Variants in ASB12 observed in about 807,000 individuals in gnomAD.
The protein encoded by ASB12 is ankyrin repeat and SOCS box protein 12.
Under a neutral mutation model 13.7 loss-of-function variants are expected in ASB12, and 17 were observed. The ratio of observed to expected loss-of-function variants is 1.24; its 90% confidence interval spans 0.85 to 1.86. The LOEUF (loss-of-function observed/expected upper bound fraction) is 1.86. Ranked by LOEUF, ASB12 falls within the 40% of genes most tolerant of loss-of-function variation. The probability of loss-of-function intolerance (pLI) is 0.00; values close to 1 mark genes in which losing one functional copy is unlikely to be tolerated. For synonymous variants in ASB12, 107 were observed against 99.8 expected (o/e 1.07, Z -0.43); for missense variants, 329 against 250.5 (o/e 1.31, Z -2.11).
chrX:64,229,844 A>G (rs1485841072), intron 1 of ASB12, among the ~76,000 whole-genome samples: 1 of 111,870 alleles, frequency 8.9e-6, no homozygotes, highest in African/African-American at 3.3e-5. Context: ...CTGCCATTTG[A>G]TACCTGCATT....
At chrX:64,228,159 T>A (rs1484982386) in intron 1 of ASB12, among the ~76,000 whole-genome samples, 1 of 112,145 alleles carries the variant, frequency 8.9e-6, no homozygotes, top group African/African-American at 3.2e-5. Context: ...AGCTCAGAGG[T>A]CCTTCATGAA....
chrX:64,225,109 C>A lies in ASB12; in HGVS notation c.542G>T (p.Cys181Phe), dbSNP rs1312270650. The A allele has an allele frequency of 8.3e-7, 1 of 1,211,580 alleles. No individual in the cohort carries two copies. Among genetic ancestry groups the A allele is most frequent in the Non-Finnish European group, 1.1e-6 (1 of 895,472 alleles). ...LPVWASNIAS[C>F]SGPLYLAAVY... ...TGCGGCCAAATAGAGGGGGCCAGAACATGAAGCTATGTTTGATGCCCAGAC... is the reference window on the plus strand; with the variant it reads ...TGCGGCCAAATAGAGGGGGCCAGAAAATGAAGCTATGTTTGATGCCCAGAC... The change falls in exon 2 of 3, where the codon TGT becomes TTT. Residue 181 changes from cysteine to phenylalanine, a missense_variant. By Grantham distance (205) the Cys-to-Phe change is radical. Transcript: ENST00000362002.
At chrX:64,228,655 C>G (rs1930994487) in intron 1 of ASB12, among the ~76,000 whole-genome samples, 1 of 112,018 alleles carries the variant, frequency 8.9e-6, no homozygotes, top group South Asian at 3.7e-4. Flanking sequence ...ATGATTGTTA[C>G]TTATGTCTCC....
chrX:64,228,875 A>G (rs1931000653), intron 1 of ASB12, among the ~76,000 whole-genome samples: 1 of 111,940 alleles, frequency 8.9e-6, no homozygotes, highest in African/African-American at 3.3e-5. Context: ...TGTGCTTTTC[A>G]AAGCAATTTC....
intron 1 of ASB12, among the ~76,000 whole-genome samples, chrX:64,229,466 T>C (rs1931013464): frequency 8.9e-6 from 1 of 112,173 alleles, no homozygotes; most frequent in Non-Finnish European, 1.9e-5. Flanking sequence ...AAAGAGTTAC[T>C]ATGTGCCTGT....
chrX:64,225,047 GC>G lies in ASB12; in HGVS notation c.603del (p.Leu201PhefsTer43). 2 of 1,211,626 alleles carry G rather than the reference GC, an allele frequency of 1.7e-6. No individual in the cohort carries two copies. The highest frequency in any genetic ancestry group is 2.2e-6 in the Non-Finnish European group (2 of 895,444). The stretch of plus-strand genomic sequence containing the variant: ...TTGTAGTCAGGGTCTGCCCCGTGGA[GC>G]AAAAGCAGGCGGAAACAGTCCAGGT... ...YGHLDCFRLLLLHGADPDYNC... is the reference protein window; with the variant it reads ...YGHLDCFRLLXLHGADPDYNC... On this transcript the variant is annotated frameshift_variant, in exon 2 of 3. Transcript: ENST00000362002. LOFTEE classifies it high-confidence loss of function.
chrX:64,228,664 C>A (rs1930994809), intron 1 of ASB12, among the ~76,000 whole-genome samples: 1 of 111,901 alleles, frequency 8.9e-6, no homozygotes, highest in Non-Finnish European at 1.9e-5. Context: ...ACTTATGTCT[C>A]CATTTTCTAA....
rs1258793926 is a variant in ASB12, at chrX:64,229,294, C to T, written c.-25+1169G>A. 6.3e-5 allele frequency among the ~76,000 whole-genome samples: 7 copies of T among 111,698 alleles called. No individual in the cohort carries two copies. In the Admixed American group the frequency reaches 6.7e-4, roughly 11 times the overall value. On this transcript the variant is annotated intron_variant, in intron 1 of 2. Transcript: ENST00000362002. ...CTGAAGTTCTTGCTAAGGTTCATAC[C>T]AAGAGCCCACAGCAGAGCTCATATA...
rs141298161 is a variant in ASB12, at chrX:64,225,935, C to A, written c.-24-261G>T. Reference sequence around the variant, plus strand: ...ACGTCTAGGAAGCCTTCTCTAATCTCCTCTTCCTGCTCAGGGATTCTGAAG... The same window carrying A: ...ACGTCTAGGAAGCCTTCTCTAATCTACTCTTCCTGCTCAGGGATTCTGAAG... On this transcript the variant is annotated intron_variant, in intron 1 of 2. Transcript: ENST00000362002. Among the ~76,000 whole-genome samples, 464 of 112,575 alleles carry A rather than the reference C, an allele frequency of 4.1e-3. 2 individuals carry two copies. Among genetic ancestry groups the A allele is most frequent in the African/African-American group, 0.014 (441 of 31,054 alleles).
At position 64,224,279 on chromosome X, in the gene ASB12, C is replaced by T. The variant is rs1340520206; in HGVS notation, c.*56G>A. 6.2e-5 allele frequency: 73 copies of T among 1,169,417 alleles called. No homozygotes were observed. Among genetic ancestry groups the T allele is most frequent in the South Asian group, 3.5e-4 (19 of 54,582 alleles). On this transcript the variant is annotated 3_prime_UTR_variant, in exon 3 of 3. Transcript: ENST00000362002. ...ATGAGGCTGTAATGCTCTCCAGCTA[C>T]GTGAGTCCCCAGGTGGTTTTCGGAG...
chrX:64,227,292 G>A (rs374692395), intron 1 of ASB12, among the ~76,000 whole-genome samples: 14 of 111,187 alleles, frequency 1.3e-4, no homozygotes, highest in South Asian at 3.8e-4. Flanking sequence ...CTTTCTCTTC[G>A]TCTCTCCCTT....
chrX:64,225,342 A>T lies in ASB12; in HGVS notation c.309T>A (p.Asp103Glu). 1 of 1,209,109 alleles carries T rather than the reference A, an allele frequency of 8.3e-7. No individual in the cohort carries two copies. The highest frequency in any genetic ancestry group is 1.1e-6 in the Non-Finnish European group (1 of 894,158). Residue 103 changes from aspartate to glutamate, a missense_variant, in exon 2 of 3, where the codon GAT becomes GAA. Transcript: ENST00000362002. ...TGAAAAGTGGCGTCTGTGCCTTGAC[A>T]TCCAAGCTGTCAACATCAGCACCAT... Reference protein sequence around the residue: ...LAHGADVDSLDVKAQTPLFTA... With the variant: ...LAHGADVDSLEVKAQTPLFTA...
At chrX:64,224,789 A>T (rs775941198) in intron 2 of ASB12, 39 bp downstream of exon 2, 3 of 1,148,023 alleles carry the variant, frequency 2.6e-6, no homozygotes, top group Non-Finnish European at 2.3e-6. Context: ...GGGACCTCCA[A>T]GCCAGGTGGC....
intron 1 of ASB12, among the ~76,000 whole-genome samples, chrX:64,228,733 C>A (rs772994586): frequency 1.2e-3 from 135 of 111,309 alleles, no homozygotes; most frequent in Non-Finnish European, 2.0e-3. Flanking sequence ...CCTTGTAGAT[C>A]ATTTAATTTA....
chrX:64,225,390 G>A lies in ASB12; in HGVS notation c.261C>T (p.Ser87=). Residue 87 remains serine (S), a synonymous_variant, in exon 2 of 3, where the codon AGC becomes AGT. Transcript: ENST00000362002. The part of the protein sequence containing the change: ...LRLAASYGHL[S]CLQVLLAHGA... ...CATGGGCTAAGAGGACTTGCAAACA[G>A]CTCAAGTGGCCATAAGAAGCAGCCA... The A allele has an allele frequency of 8.3e-7, 1 of 1,208,461 alleles. No homozygotes were observed. The highest frequency in any genetic ancestry group is 1.1e-6 in the Non-Finnish European group (1 of 893,831).
intron 2 of ASB12, 30 bp from the exon 3 acceptor site, chrX:64,224,498 G>A (rs777573069): frequency 3.4e-6 from 4 of 1,185,939 alleles, no homozygotes; most frequent in East Asian, 3.0e-5. Context: ...GTCATGAGGA[G>A]CAATTATCAG....
At position 64,224,428 on chromosome X, in the gene ASB12, G is replaced by A. The variant is rs1332478970; in HGVS notation, c.864C>T (p.Val288=). Residue 288 remains valine (V), a synonymous_variant, in exon 3 of 3, where the codon GTC becomes GTT. Transcript: ENST00000362002. ...GGCCAGCCTGGCACAAGGCTCTGCG[G>A]ACGACTAAACGGACCTGTGATAGAA... ...RSLLSQVRLV[V]RRALCQAGQP... The A allele has an allele frequency of 8.3e-7, 1 of 1,208,585 alleles. No homozygotes were observed. Among genetic ancestry groups the A allele is most frequent in the Non-Finnish European group, 1.1e-6 (1 of 894,347 alleles).
intron 1 of ASB12, among the ~76,000 whole-genome samples, chrX:64,228,262 C>T (rs904319982): frequency 8.9e-6 from 1 of 112,285 alleles, no homozygotes; most frequent in Non-Finnish European, 1.9e-5. Flanking sequence ...TGATGGCTCT[C>T]CATATACACC....
In ASB12 at chrX:64,230,567, A is replaced by T. The variant is rs1188903694; in HGVS notation, c.-129T>A. On this transcript the variant is annotated 5_prime_UTR_variant, in exon 1 of 3. It adds an upstream start codon to the 5' untranslated region. Transcript: ENST00000362002. ...TCCTTAGGGAGCCCCCACGGCCCCA[A>T]CCTGGAGCAGCTGGGGCTCTCGTTT... 2 of 111,359 alleles carry T rather than the reference A, an allele frequency of 1.8e-5. No homozygotes were observed. Among genetic ancestry groups the T allele is most frequent in the African/African-American group, 6.5e-5 (2 of 30,552 alleles). 9.2% of individuals were successfully genotyped at this position (111,359 alleles called of 1,213,427 possible). A position where few individuals can be genotyped will look rare whatever the true frequency, so the allele number is the denominator to read the frequency against.
Sources: gnomAD v4.1 joint callset for allele counts (sites outside exome capture counted in the v4.1 genomes callset) on GRCh38, gnomAD v4.1.1 for gene constraint, MANE v1.5 for transcripts, NCBI Gene and HGNC (gene_info 2026-07-23, HGNC 2026-07-21) for gene names.